Variants in DOCK1 observed in about 807,000 individuals in gnomAD.
The protein encoded by DOCK1 is dedicator of cytokinesis protein 1.
DOCK1 carries 138 observed loss-of-function variants against 262.7 expected under a neutral mutation model. That is an observed-to-expected ratio of 0.53 (90% CI 0.46 to 0.61). DOCK1 has a LOEUF of 0.61. Ranked by LOEUF, DOCK1 falls within the 20% of genes least tolerant of loss-of-function variation. The pLI, the probability that DOCK1 is intolerant of heterozygous loss-of-function variation, is 0.00. For synonymous variants in DOCK1, 866 were observed against 867.4 expected (o/e 1.00, Z 0.03); for missense variants, 1,908 against 2,370.7 (o/e 0.80, Z 4.05).
At chr10:126,949,613 T>C (rs915451200) in intron 1 of DOCK1, among the ~76,000 whole-genome samples, 15 of 152,256 alleles carry the variant, frequency 9.9e-5, no homozygotes, top group South Asian at 8.3e-4. Flanking sequence ...GGGTGTTGAA[T>C]GTCCTTTCTG....
At chr10:127,344,771 A>G (rs918298637) in intron 31 of DOCK1, among the ~76,000 whole-genome samples, 2 of 152,158 alleles carry the variant, frequency 1.3e-5, no homozygotes, top group East Asian at 1.9e-4. Context: ...TGAGGCAGGA[A>G]GATCACTTGA....
chr10:126,984,147 C>G (rs1482005903), intron 4 of DOCK1, among the ~76,000 whole-genome samples: 1 of 152,078 alleles, frequency 6.6e-6, no homozygotes, highest in East Asian at 1.9e-4. Flanking sequence ...GACATGGCCT[C>G]TGTTGCGTTT....
chr10:127,104,634 C>CTAT (rs538640761), intron 23 of DOCK1, among the ~76,000 whole-genome samples: 387 of 152,230 alleles, frequency 2.5e-3, no homozygotes, highest in Admixed American at 4.5e-3. Flanking sequence ...AAGTGTTACC[C>CTAT]TATTCATTTT....
chr10:127,074,665 A>T lies in DOCK1; in HGVS notation c.2445+12889A>T, dbSNP rs189183987. Among the ~76,000 whole-genome samples, 448 of 152,332 alleles carry T rather than the reference A, an allele frequency of 2.9e-3. 3 individuals carry two copies. Among genetic ancestry groups the T allele is most frequent in the Non-Finnish European group, 3.5e-3 (240 of 68,034 alleles). On this transcript the variant is annotated intron_variant, in intron 23 of 51. Transcript: ENST00000623213. ...CTTCTTGCCTGTGTCACCTTTAGATAGTAATTCTTAGCATCACTATTTTTT... is the reference window on the plus strand; with the variant it reads ...CTTCTTGCCTGTGTCACCTTTAGATTGTAATTCTTAGCATCACTATTTTTT...
intron 23 of DOCK1, among the ~76,000 whole-genome samples, chr10:127,072,653 C>CT (rs2046297648): frequency 6.6e-6 from 1 of 152,172 alleles, no homozygotes; most frequent in Non-Finnish European, 1.5e-5. Context: ...GAGAACTGTG[C>CT]TGCCACTTTT....
intron 29 of DOCK1, among the ~76,000 whole-genome samples, chr10:127,282,408 A>T (rs1322018124): frequency 2.0e-5 from 3 of 152,174 alleles, no homozygotes; most frequent in East Asian, 1.9e-4. Flanking sequence ...AGGTCCTGTG[A>T]TGTGGCCAGG....
At chr10:127,398,553 C>T (rs1443185880) in intron 38 of DOCK1, among the ~76,000 whole-genome samples, 1 of 152,200 alleles carries the variant, frequency 6.6e-6, no homozygotes, top group Non-Finnish European at 1.5e-5. Context: ...GATTTTAATC[C>T]ATTTTGATGT....
intron 32 of DOCK1, among the ~76,000 whole-genome samples, chr10:127,358,641 A>G (rs2133900755): frequency 6.6e-6 from 1 of 152,272 alleles, no homozygotes; most frequent in Admixed American, 6.5e-5. Flanking sequence ...TCATGCAGGG[A>G]TTCCCTTCAT....
chr10:127,031,869 T>C (rs2043261841), intron 17 of DOCK1, 116 bp downstream of exon 17: 1 of 985,828 alleles, frequency 1.0e-6, no homozygotes, highest in African/African-American at 1.6e-5. Context: ...CTAGCTACAT[T>C]TAATTATGCA....
At position 127,437,235 on chromosome 10, in the gene DOCK1, T is replaced by C. The variant is rs184949406; in HGVS notation, c.5061-1792T>C. 1.2e-4 allele frequency among the ~76,000 whole-genome samples: 19 copies of C among 152,318 alleles called. No individual in the cohort carries two copies. The highest frequency in any genetic ancestry group is 2.4e-4 in the Non-Finnish European group (16 of 68,034). ...ATTGATAATCAGTGCTTAGATTCAATACCATTATTGTTTACATAGTGACCT... is the reference window on the plus strand; with the variant it reads ...ATTGATAATCAGTGCTTAGATTCAACACCATTATTGTTTACATAGTGACCT... On this transcript the variant is annotated intron_variant, in intron 48 of 51. Coordinates refer to ENST00000623213, the MANE Select transcript of DOCK1 (RefSeq NM_001290223.2). This position sits in a 1 kb window ranked among gnomAD's most constrained non-coding sequence, Gnocchi z 4.4.
intron 27 of DOCK1, among the ~76,000 whole-genome samples, chr10:127,243,381 G>A (rs11595620): frequency 0.016 from 2,363 of 152,070 alleles, 48 homozygotes; most frequent in South Asian, 0.11. Flanking sequence ...GCCTGTCACT[G>A]AATGTCCCCC....
At chr10:126,948,780 T>A (rs959027974) in intron 1 of DOCK1, among the ~76,000 whole-genome samples, 52 of 152,216 alleles carry the variant, frequency 3.4e-4, no homozygotes, top group African/African-American at 1.2e-3. Context: ...CATTGTGAGC[T>A]GCTCTGATCC....
intron 27 of DOCK1, among the ~76,000 whole-genome samples, chr10:127,234,139 C>T (rs1367580811): frequency 1.3e-5 from 2 of 152,132 alleles, no homozygotes; most frequent in African/African-American, 4.8e-5. Context: ...AAAACAGGCG[C>T]TTGCTGTCAT....
At chr10:126,916,811 G>T (rs2032551343) in intron 1 of DOCK1, among the ~76,000 whole-genome samples, 1 of 151,998 alleles carries the variant, frequency 6.6e-6, no homozygotes, top group Non-Finnish European at 1.5e-5. Flanking sequence ...CCCTCATGGG[G>T]TTTATAGTCT....
chr10:127,419,833 T>C (rs1490300906), intron 46 of DOCK1, 84 bp downstream of exon 46: 5 of 1,399,892 alleles, frequency 3.6e-6, no homozygotes, highest in Non-Finnish European at 4.9e-6. Context: ...CCAGCCAGCA[T>C]GGAGGTCCCT....
intron 1 of DOCK1, among the ~76,000 whole-genome samples, chr10:126,964,290 A>C (rs927894554): frequency 3.3e-5 from 5 of 152,224 alleles, no homozygotes; most frequent in African/African-American, 1.2e-4. Context: ...CTCTGGGGTT[A>C]CATCTGGCTT....
At chr10:127,007,681 G>C (rs1337113846) in intron 10 of DOCK1, 1 of 152,218 alleles carries the variant, frequency 6.6e-6, no homozygotes, top group Non-Finnish European at 1.5e-5. Context: ...GATGGCAAAG[G>C]ATATTAGCCT....
intron 49 of DOCK1, 29 bp downstream of exon 49, chr10:127,439,254 C>T (rs555488929): frequency 3.2e-6 from 5 of 1,585,318 alleles, no homozygotes; most frequent in East Asian, 2.3e-5. Flanking sequence ...TTTCCTCGCT[C>T]TGCGGTAGCT....
At position 126,924,470 on chromosome 10, in the gene DOCK1, A is replaced by T. The variant is rs533137047; in HGVS notation, c.46+18907A>T. ...AGTAGCGGGAGGCTGTGCATGCTGG[A>T]ACTCAGTAGGGGGAGGCTGTGAGTG... On this transcript the variant is annotated intron_variant, in intron 1 of 51. Coordinates refer to ENST00000623213, the MANE Select transcript of DOCK1 (RefSeq NM_001290223.2). Among the ~76,000 whole-genome samples, 161 of 151,716 alleles carry T rather than the reference A, an allele frequency of 1.1e-3. 1 individual carries two copies. Among genetic ancestry groups the T allele is most frequent in the African/African-American group, 3.6e-3 (148 of 41,304 alleles).
Sources: gnomAD v4.1 joint callset for allele counts (sites outside exome capture counted in the v4.1 genomes callset) on GRCh38, gnomAD v4.1.1 for gene constraint, Gnocchi (gnomAD v3.1) non-coding constraint, MANE v1.5 for transcripts, NCBI Gene and HGNC (gene_info 2026-07-23, HGNC 2026-07-21) for gene names.